Variants in ZNF536 observed in about 807,000 individuals in gnomAD.
The protein encoded by ZNF536 is zinc finger protein 536.
ZNF536 carries 13 observed loss-of-function variants against 84.5 expected under a neutral mutation model. That is an observed-to-expected ratio of 0.15 (90% CI 0.10 to 0.24). ZNF536 has a LOEUF of 0.24. ZNF536 is among the 10% of genes least tolerant of loss of function. The probability of loss-of-function intolerance (pLI) is 1.00; values close to 1 mark genes in which losing one functional copy is unlikely to be tolerated. For missense variants in ZNF536, 1,536 were observed against 1,747.5 expected, an observed-to-expected ratio of 0.88 and a Z score of 2.16; for synonymous variants, 811 against 742.5, an observed-to-expected ratio of 1.09 and a Z score of -1.50.
intron 1 of ZNF536, among the ~76,000 whole-genome samples, chr19:30,574,061 G>A (rs2046644701): frequency 1.3e-5 from 2 of 152,132 alleles, no homozygotes; most frequent in Admixed American, 6.5e-5. Flanking sequence ...CTGTTATATT[G>A]TTTGCATTGC....
At chr19:30,460,656 C>T (rs2053091223) in intron 2 of ZNF536, among the ~76,000 whole-genome samples, 1 of 152,172 alleles carries the variant, frequency 6.6e-6, no homozygotes, top group Non-Finnish European at 1.5e-5. Context: ...AATGACATAT[C>T]CTTCCATGTG....
intron 2 of ZNF536, among the ~76,000 whole-genome samples, chr19:30,345,179 C>T (rs866810375): frequency 1.3e-5 from 2 of 152,184 alleles, no homozygotes; most frequent in African/African-American, 2.4e-5. Flanking sequence ...AAACTGGGGC[C>T]GGAGAGGTTG....
intron 1 of ZNF536, among the ~76,000 whole-genome samples, chr19:30,608,951 G>A (rs1050797292): frequency 1.3e-5 from 2 of 152,194 alleles, no homozygotes; most frequent in African/African-American, 4.8e-5. Context: ...GAAGCCAGGA[G>A]TCAGCCACGG....
At chr19:30,392,170 A>T (rs993739666) in intron 1 of ZNF536, among the ~76,000 whole-genome samples, 1 of 151,852 alleles carries the variant, frequency 6.6e-6, no homozygotes, top group Non-Finnish European at 1.5e-5. Flanking sequence ...TCTCAGCCAC[A>T]CCCTTTCCCT....
intron 1 of ZNF536, among the ~76,000 whole-genome samples, chr19:30,235,747 G>T (rs1455683562): frequency 1.3e-5 from 2 of 152,196 alleles, no homozygotes; most frequent in Admixed American, 6.5e-5. Flanking sequence ...AAATTATTAT[G>T]GAAAGGCCGT....
chr19:30,506,369 A>G (rs909458418), intron 2 of ZNF536, among the ~76,000 whole-genome samples: 2 of 152,222 alleles, frequency 1.3e-5, no homozygotes, highest in African/African-American at 4.8e-5. Flanking sequence ...AACAAACAAC[A>G]AAATCTAAGC....
intron 1 of ZNF536, among the ~76,000 whole-genome samples, chr19:30,589,600 G>A (rs937382212): frequency 6.6e-6 from 1 of 152,104 alleles, no homozygotes; most frequent in Non-Finnish European, 1.5e-5. Flanking sequence ...GCACAGGTAG[G>A]GGATAAAGAA....
At chr19:30,463,575 C>G (rs1268453615) in intron 2 of ZNF536, among the ~76,000 whole-genome samples, 3 of 152,186 alleles carry the variant, frequency 2.0e-5, no homozygotes, top group Non-Finnish European at 4.4e-5. Flanking sequence ...TTCCATCATG[C>G]TTCCCTGCAC....
intron 1 of ZNF536, among the ~76,000 whole-genome samples, chr19:30,438,988 C>T (rs2051882501): frequency 6.6e-6 from 1 of 152,144 alleles, no homozygotes; most frequent in East Asian, 1.9e-4. Flanking sequence ...TTATCGTTTG[C>T]AGGCAGCTCC....
intron 1 of ZNF536, among the ~76,000 whole-genome samples, chr19:30,679,077 A>C (rs575311355): frequency 6.2e-4 from 95 of 152,106 alleles, no homozygotes; most frequent in African/African-American, 1.9e-3. Flanking sequence ...CAGTGGCAAC[A>C]GGTGATTTTT....
At chr19:30,494,186 A>G (rs2054621360) in intron 2 of ZNF536, among the ~76,000 whole-genome samples, 1 of 152,216 alleles carries the variant, frequency 6.6e-6, no homozygotes, top group African/African-American at 2.4e-5. Flanking sequence ...AACAGAATTG[A>G]CTTGGAAATC....
intron 1 of ZNF536, among the ~76,000 whole-genome samples, chr19:30,685,403 G>A (rs1195569410): frequency 6.6e-6 from 1 of 152,150 alleles, no homozygotes. Flanking sequence ...GGGTGTGTGT[G>A]TGTGCACAGA....
chr19:30,479,386 G>C (rs539362273), intron 2 of ZNF536, among the ~76,000 whole-genome samples: 1 of 152,268 alleles, frequency 6.6e-6, no homozygotes, highest in Non-Finnish European at 1.5e-5. Context: ...AGTCAGTCAC[G>C]TGGCCCCAGC....
At chr19:30,512,811 C>CGAAG (rs1291288480) in intron 2 of ZNF536, among the ~76,000 whole-genome samples, 7 of 152,178 alleles carry the variant, frequency 4.6e-5, no homozygotes, top group African/African-American at 1.7e-4. Flanking sequence ...GTTCGAATTA[C>CGAAG]TTTCTAGCAA....
chr19:30,705,672 G>T (rs1312290146), intron 1 of ZNF536, among the ~76,000 whole-genome samples: 3 of 152,086 alleles, frequency 2.0e-5, no homozygotes, highest in African/African-American at 7.2e-5. Flanking sequence ...AGGGTCTTTA[G>T]GTACTATCAG....
At chr19:30,654,672 G>A (rs1484191498) in intron 1 of ZNF536, among the ~76,000 whole-genome samples, 4 of 152,068 alleles carry the variant, frequency 2.6e-5, no homozygotes, top group Non-Finnish European at 4.4e-5. Context: ...TGCTGTAATG[G>A]GTCTCAGTGC....
intron 1 of ZNF536, among the ~76,000 whole-genome samples, chr19:30,441,330 G>C (rs1183513402): frequency 6.6e-6 from 1 of 152,234 alleles, no homozygotes; most frequent in East Asian, 1.9e-4. Context: ...ATCCCTGTTG[G>C]CTCAGAAGAG....
At chr19:30,694,627 GT>G (rs1403099407) in intron 1 of ZNF536, among the ~76,000 whole-genome samples, 2 of 152,176 alleles carry the variant, frequency 1.3e-5, no homozygotes. Context: ...GGAAATCCAT[GT>G]TTTAATGTGA....
chr19:30,666,992 T>C (rs12610285), intron 1 of ZNF536, among the ~76,000 whole-genome samples: 11 of 152,072 alleles, frequency 7.2e-5, no homozygotes, highest in Non-Finnish European at 1.6e-4. Flanking sequence ...CAGGGGAAGG[T>C]GCTGAGTATC....
Sources: gnomAD v4.1 joint callset for allele counts (sites outside exome capture counted in the v4.1 genomes callset) on GRCh38, gnomAD v4.1.1 for gene constraint, MANE v1.5 for transcripts, NCBI Gene and HGNC (gene_info 2026-07-23, HGNC 2026-07-21) for gene names.